Variants in REDIC1 observed in about 807,000 individuals in gnomAD.
REDIC1 encodes HEI10 Interacting Protein 1.
chr12:39,851,551 G>C, the REDIC1 span, among the ~76,000 whole-genome samples: 1 of 152,140 alleles, frequency 6.6e-6, no homozygotes, highest in Admixed American at 6.5e-5. Context: ...GTTTGGTCTA[G>C]GCTAAAATTA....
chr12:39,784,378 T>C, the REDIC1 span, among the ~76,000 whole-genome samples: 2 of 151,960 alleles, frequency 1.3e-5, no homozygotes, highest in African/African-American at 2.4e-5. Context: ...AAAACAGAGA[T>C]ATAGAACAAT....
chr12:39,906,596 G>C, the REDIC1 span, among the ~76,000 whole-genome samples: 5 of 152,238 alleles, frequency 3.3e-5, no homozygotes, highest in African/African-American at 1.2e-4. Flanking sequence ...GTTAAACCTA[G>C]TTTTCTGTCC....
At chr12:39,821,610 C>T in the REDIC1 span, among the ~76,000 whole-genome samples, 1 of 152,138 alleles carries the variant, frequency 6.6e-6, no homozygotes, top group Non-Finnish European at 1.5e-5. Context: ...TTTTCTTCAC[C>T]CTGTGACCAA....
At chr12:39,747,652 A>G in the REDIC1 span, among the ~76,000 whole-genome samples, 1 of 152,222 alleles carries the variant, frequency 6.6e-6, no homozygotes, top group African/African-American at 2.4e-5. Context: ...GAAATGAAGG[A>G]AAAAATGTTA....
the REDIC1 span, among the ~76,000 whole-genome samples, chr12:39,887,479 A>G: frequency 1.3e-5 from 2 of 152,188 alleles, no homozygotes; most frequent in Admixed American, 6.5e-5. Flanking sequence ...TAAAAAAGGG[A>G]CTTTTCACAA....
At chr12:39,870,247 G>C in the REDIC1 span, among the ~76,000 whole-genome samples, 2 of 152,258 alleles carry the variant, frequency 1.3e-5, no homozygotes, top group East Asian at 3.9e-4. Flanking sequence ...TATTTAAAAA[G>C]AAGGGTGTCA....
At chr12:39,700,089 G>T in the REDIC1 span, among the ~76,000 whole-genome samples, 1 of 152,194 alleles carries the variant, frequency 6.6e-6, no homozygotes, top group Non-Finnish European at 1.5e-5. Flanking sequence ...GCTGGACGGA[G>T]AATGACTTTG....
the REDIC1 span, among the ~76,000 whole-genome samples, chr12:39,751,335 C>G: frequency 6.6e-5 from 10 of 152,208 alleles, no homozygotes; most frequent in Non-Finnish European, 1.5e-4. Context: ...AAATGCAAAT[C>G]AAAACCACAA....
chr12:39,781,854 G>A, the REDIC1 span, among the ~76,000 whole-genome samples: 315 of 152,300 alleles, frequency 2.1e-3, 6 homozygotes, highest in Admixed American at 0.018. Flanking sequence ...ACATACCCTG[G>A]AGGAAGGGAT....
chr12:39,733,687 G>A, the REDIC1 span, among the ~76,000 whole-genome samples: 1 of 152,150 alleles, frequency 6.6e-6, no homozygotes, highest in Non-Finnish European at 1.5e-5. Flanking sequence ...ACTTTCCTGT[G>A]GCTTTGTTTA....
the REDIC1 span, among the ~76,000 whole-genome samples, chr12:39,905,883 GT>G: frequency 6.5e-4 from 97 of 150,306 alleles, no homozygotes; most frequent in East Asian, 0.015. Flanking sequence ...CAGATGAGAT[GT>G]CCTTTGAAAA....
the REDIC1 span, among the ~76,000 whole-genome samples, chr12:39,738,106 C>T: frequency 4.6e-5 from 7 of 152,276 alleles, no homozygotes; most frequent in East Asian, 3.9e-4. Flanking sequence ...AAAGACCTAT[C>T]GGAAGTCTTT....
At chr12:39,897,254 T>G in the REDIC1 span, among the ~76,000 whole-genome samples, 873 of 152,230 alleles carry the variant, frequency 5.7e-3, 11 homozygotes, top group African/African-American at 0.02. Context: ...TAAAACACAT[T>G]AGGTCAAACA....
chr12:39,708,033 G>A, the REDIC1 span, among the ~76,000 whole-genome samples: 1 of 151,676 alleles, frequency 6.6e-6, no homozygotes, highest in East Asian at 1.9e-4. Flanking sequence ...GGGGTTGGGA[G>A]GGTGGTGATA....
chr12:39,859,869 G>T, the REDIC1 span, among the ~76,000 whole-genome samples: 1 of 152,004 alleles, frequency 6.6e-6, no homozygotes, highest in African/African-American at 2.4e-5. Context: ...TGAACTAGAG[G>T]CATAGTCCCT....
At chr12:39,711,574 C>T in the REDIC1 span, among the ~76,000 whole-genome samples, 5,465 of 56,334 alleles carry the variant, frequency 0.097, 214 homozygotes, top group South Asian at 0.28. Context: ...TGTATATGTG[C>T]ATACACATGC....
the REDIC1 span, among the ~76,000 whole-genome samples, chr12:39,712,453 CG>C: frequency 2.5e-5 from 1 of 40,374 alleles, no homozygotes; most frequent in East Asian, 4.4e-4. Context: ...TGTATACATA[CG>C]TATATATACG....
At chr12:39,724,662 T>TA in the REDIC1 span, among the ~76,000 whole-genome samples, 1 of 152,148 alleles carries the variant, frequency 6.6e-6, no homozygotes, top group East Asian at 1.9e-4. Context: ...AAGGTTAACA[T>TA]TGCTAATTTT....
At chr12:39,896,030 G>T in the REDIC1 span, among the ~76,000 whole-genome samples, 26 of 122,792 alleles carry the variant, frequency 2.1e-4, 2 homozygotes, top group Non-Finnish European at 3.9e-4. Flanking sequence ...ATACATACAT[G>T]CATATGTTTA....
Sources: gnomAD v4.1 joint callset for allele counts (sites outside exome capture counted in the v4.1 genomes callset) on GRCh38, gnomAD v4.1.1 for gene constraint, MANE v1.5 for transcripts, NCBI Gene and HGNC (gene_info 2026-07-23, HGNC 2026-07-21) for gene names.